The following ARHGAP24 variants were observed in gnomAD, a reference collection of about 807,000 sequenced individuals.
ARHGAP24 encodes rho GTPase-activating protein 24.
A neutral mutation model predicts 76.4 loss-of-function variants in ARHGAP24; 50 were observed. The ratio of observed to expected loss-of-function variants is 0.65; its 90% confidence interval spans 0.52 to 0.83. The LOEUF (loss-of-function observed/expected upper bound fraction) is 0.83. Ranked by LOEUF, ARHGAP24 falls within the 40% of genes least tolerant of loss-of-function variation. The pLI, the probability that ARHGAP24 is intolerant of heterozygous loss-of-function variation, is 0.00. For synonymous variants in ARHGAP24, 345 were observed against 323.3 expected, an observed-to-expected ratio of 1.07 and a Z score of -0.72; for missense variants, 930 against 914.2, an observed-to-expected ratio of 1.02 and a Z score of -0.22.
At chr4:85,976,350 C>T (rs7667539) in intron 7 of ARHGAP24, among the ~76,000 whole-genome samples, 6 of 152,194 alleles carry the variant, frequency 3.9e-5, no homozygotes, top group Non-Finnish European at 7.4e-5. Flanking sequence ...TCACATCCTC[C>T]GGTGGGTTCA....
At position 85,721,971 on chromosome 4, in the gene ARHGAP24, A is replaced by G; in HGVS notation, c.267A>G (p.Pro89=). ...GGAAGTTCCTTTTTGAAGTAGTTCCAGGTAAGATATTTTCCTAGTCTGATT... is the reference window on the plus strand; with the variant it reads ...GGAAGTTCCTTTTTGAAGTAGTTCCGGGTAAGATATTTTCCTAGTCTGATT... ...NPGKFLFEVV[P]GGDRDRMTAN... The change falls in exon 3 of 10, where the codon CCA becomes CCG. Residue 89 remains proline (P), a splice_region_variant and synonymous_variant. Transcript: ENST00000395184. The G allele has an allele frequency of 1.9e-6, 3 of 1,612,018 alleles. No homozygotes were observed. The highest frequency in any genetic ancestry group is 2.2e-5 in the East Asian group (1 of 44,764).
Position 85,706,807 on chromosome 4 carries a change from G to T in ARHGAP24, c.181-15078G>T, listed in dbSNP as rs1483778390. Among the ~76,000 whole-genome samples, 4 of 151,924 alleles carry T rather than the reference G, an allele frequency of 2.6e-5. No individual in the cohort carries two copies. In the South Asian group the frequency reaches 8.3e-4, roughly 32 times the overall value. ...TCTCAAACTCCTGACCTCGTGATCC[G>T]CCCGCCTCGGCCTCCCAAAGTGCTG... On this transcript the variant is annotated intron_variant, in intron 2 of 9. Transcript: ENST00000395184.
chr4:85,836,199 A>G (rs570990431), intron 3 of ARHGAP24, among the ~76,000 whole-genome samples: 6 of 152,318 alleles, frequency 3.9e-5, no homozygotes, highest in African/African-American at 1.2e-4. Context: ...TGGTACACCA[A>G]ACATTTCTGT....
chr4:85,664,128 A>G (rs1722514121), intron 2 of ARHGAP24, among the ~76,000 whole-genome samples: 1 of 151,442 alleles, frequency 6.6e-6, no homozygotes, highest in Admixed American at 6.6e-5. Flanking sequence ...TCGGCTGTGA[A>G]TCCATCTGGT....
At chr4:85,641,279 T>C (rs1316924997) in intron 2 of ARHGAP24, among the ~76,000 whole-genome samples, 1 of 152,170 alleles carries the variant, frequency 6.6e-6, no homozygotes, top group Non-Finnish European at 1.5e-5. Flanking sequence ...CCCTTTTTTG[T>C]ACATCATTCT....
At position 85,643,344 on chromosome 4, in the gene ARHGAP24, C is replaced by T. The variant is rs559907427; in HGVS notation, c.180+72623C>T. 2.9e-4 allele frequency among the ~76,000 whole-genome samples: 29 copies of T among 99,444 alleles called. 1 individual carries two copies. The highest frequency in any genetic ancestry group is 8.3e-4 in the African/African-American group (26 of 31,226). 65.2% of individuals were successfully genotyped at this position (99,444 alleles called of 152,430 possible). A position where few individuals can be genotyped will look rare whatever the true frequency, so the allele number is the denominator to read the frequency against. ...CGCAATCTCGGCTCACTGCAAGCTCCGCTTCCCGGGTTCACGCCATTCTCC... is the reference window on the plus strand; with the variant it reads ...CGCAATCTCGGCTCACTGCAAGCTCTGCTTCCCGGGTTCACGCCATTCTCC... On this transcript the variant is annotated intron_variant, in intron 2 of 9. Coordinates refer to ENST00000395184, the MANE Select transcript of ARHGAP24 (RefSeq NM_001025616.3).
intron 2 of ARHGAP24, among the ~76,000 whole-genome samples, chr4:85,634,892 CT>C: frequency 6.6e-6 from 1 of 151,634 alleles, no homozygotes; most frequent in South Asian, 2.1e-4. Context: ...TCATTTTTTC[CT>C]TATCCTTCAA....
At chr4:85,579,669 A>G (rs1273730929) in intron 2 of ARHGAP24, among the ~76,000 whole-genome samples, 2 of 152,048 alleles carry the variant, frequency 1.3e-5, no homozygotes, top group East Asian at 3.9e-4. Flanking sequence ...ATCACTTTTT[A>G]TGTACAAGGA....
intron 2 of ARHGAP24, among the ~76,000 whole-genome samples, chr4:85,630,811 T>C (rs867201935): frequency 7.9e-5 from 12 of 152,244 alleles, no homozygotes; most frequent in Admixed American, 4.6e-4. Flanking sequence ...TAAGCATCTT[T>C]TTCTACATTT....
chr4:85,646,982 A>T (rs997021196), intron 2 of ARHGAP24, among the ~76,000 whole-genome samples: 4 of 152,136 alleles, frequency 2.6e-5, no homozygotes, highest in Admixed American at 1.3e-4. Context: ...TAAACATGAA[A>T]ATCTGGTAAG....
At chr4:85,482,657 A>G (rs1722861692) in intron 1 of ARHGAP24, among the ~76,000 whole-genome samples, 1 of 152,210 alleles carries the variant, frequency 6.6e-6, no homozygotes, top group East Asian at 1.9e-4. Flanking sequence ...AAAGGAGACA[A>G]TGTTTGATGT....
intron 1 of ARHGAP24, among the ~76,000 whole-genome samples, chr4:85,522,695 A>G (rs1027864461): frequency 3.3e-5 from 5 of 152,144 alleles, no homozygotes; most frequent in African/African-American, 1.2e-4. Context: ...AATTTACATC[A>G]TGTTTTATAT....
chr4:85,528,312 T>C (rs1464096680), intron 1 of ARHGAP24, among the ~76,000 whole-genome samples: 1 of 152,106 alleles, frequency 6.6e-6, no homozygotes, highest in African/African-American at 2.4e-5. Flanking sequence ...GAAAAAAATA[T>C]TAGCTATGAT....
At position 85,994,971 on chromosome 4, in the gene ARHGAP24, C is replaced by A. The variant is rs772129133; in HGVS notation, c.1317C>A (p.Ser439Arg). Reference protein sequence around the residue: ...GSGIVTNGSFSSSNAEGLEKT... With the variant: ...GSGIVTNGSFRSSNAEGLEKT... ...GGATAGTTACCAATGGGTCCTTCAG[C>A]AGCAGTAATGCAGAAGGTCTTGAGA... The change falls in exon 9 of 10, where the codon AGC (serine) becomes AGA (arginine). Residue 439 changes from serine to arginine, a missense_variant. By Grantham distance (110) the Ser-to-Arg change is moderately radical. Coordinates refer to ENST00000395184, the MANE Select transcript of ARHGAP24 (RefSeq NM_001025616.3). 1.2e-6 allele frequency: 2 copies of A among 1,614,030 alleles called. No individual in the cohort carries two copies. Among genetic ancestry groups the A allele is most frequent in the African/African-American group, 2.7e-5 (2 of 74,906 alleles).
intron 3 of ARHGAP24, among the ~76,000 whole-genome samples, chr4:85,816,052 C>A (rs1465867689): frequency 6.6e-6 from 1 of 152,122 alleles, no homozygotes; most frequent in African/African-American, 2.4e-5. Flanking sequence ...ATGGGGGAAA[C>A]CACCCCCACA....
intron 1 of ARHGAP24, among the ~76,000 whole-genome samples, chr4:85,489,576 G>C (rs964552502): frequency 1.3e-5 from 2 of 152,186 alleles, no homozygotes; most frequent in Admixed American, 6.5e-5. Flanking sequence ...CTGGAGCAAG[G>C]TGAGCCCTTT....
intron 3 of ARHGAP24, among the ~76,000 whole-genome samples, chr4:85,921,545 T>A (rs913515739): frequency 7.5e-6 from 1 of 134,078 alleles, no homozygotes; most frequent in African/African-American, 2.8e-5. Context: ...AAAAGTTTTT[T>A]TAAAAAAAAA....
intron 1 of ARHGAP24, among the ~76,000 whole-genome samples, chr4:85,528,366 A>G (rs370376676): frequency 2.0e-5 from 3 of 152,096 alleles, no homozygotes; most frequent in African/African-American, 7.2e-5. Context: ...ATAGCCCAAT[A>G]AGAAATCAGG....
intron 4 of ARHGAP24, among the ~76,000 whole-genome samples, chr4:85,930,117 C>G (rs1736242852): frequency 6.6e-6 from 1 of 152,184 alleles, no homozygotes; most frequent in Admixed American, 6.5e-5. Flanking sequence ...GAGGAGCAAC[C>G]GCAGCCCTGC....
Sources: gnomAD v4.1 joint callset for allele counts (sites outside exome capture counted in the v4.1 genomes callset) on GRCh38, gnomAD v4.1.1 for gene constraint, MANE v1.5 for transcripts, NCBI Gene and HGNC (gene_info 2026-07-23, HGNC 2026-07-21) for gene names.